TENM4: variants seen among roughly 807,000 people sequenced by gnomAD.
TENM4 encodes teneurin-4.
Under a neutral mutation model 243.3 loss-of-function variants are expected in TENM4, and 82 were observed. The ratio of observed to expected loss-of-function variants is 0.34; its 90% CI spans 0.28 to 0.40. The LOEUF is 0.40. Among genes scored for constraint, TENM4 ranks in the 10% least tolerant of loss-of-function variants. The pLI is 1.00. For missense variants in TENM4, 3,138 were observed against 3,673.3 expected (o/e 0.85, Z 3.77); for synonymous variants, 1,412 against 1,456.3 (o/e 0.97, Z 0.69).
intron 16 of TENM4, among the ~76,000 whole-genome samples, chr11:78,779,275 T>C (rs1540124): frequency 0.84 from 128,648 of 152,294 alleles, 55,072 homozygotes; most frequent in African/African-American, 0.92. Context: ...TAAGATGCAT[T>C]CCTCCTTTGT....
chr11:79,157,382 T>C (rs1026426400), intron 3 of TENM4, among the ~76,000 whole-genome samples: 6 of 152,172 alleles, frequency 3.9e-5, no homozygotes, highest in African/African-American at 1.4e-4. Context: ...CTCTGACTTC[T>C]TTTCCTTCTC....
chr11:79,076,443 C>T (rs117892454), intron 4 of TENM4: 5,886 of 154,520 alleles, frequency 0.038, 170 homozygotes, highest in Admixed American at 0.058. Context: ...TGGTGGCAGA[C>T]AACAGAAGAG....
At chr11:79,273,015 A>T (rs939089725) in intron 2 of TENM4, among the ~76,000 whole-genome samples, 4 of 152,212 alleles carry the variant, frequency 2.6e-5, no homozygotes, top group African/African-American at 9.6e-5. Flanking sequence ...GCAAAGAGAA[A>T]CCAGCCTCTC....
intron 4 of TENM4, among the ~76,000 whole-genome samples, chr11:79,079,831 CAAAAA>C (rs34296723): frequency 1.7e-5 from 2 of 114,644 alleles, no homozygotes; most frequent in Non-Finnish European, 3.6e-5. Flanking sequence ...CACTTTGTTT[CAAAAA>C]AAAAAAAAAA....
At chr11:79,336,163 TC>T (rs981053235) in intron 1 of TENM4, among the ~76,000 whole-genome samples, 5 of 151,212 alleles carry the variant, frequency 3.3e-5, no homozygotes, top group Non-Finnish European at 7.4e-5. Flanking sequence ...TTGAATATTT[TC>T]CCCCCTCCAA....
chr11:78,728,807 C>T (rs934069359), intron 22 of TENM4, among the ~76,000 whole-genome samples: 2 of 152,126 alleles, frequency 1.3e-5, no homozygotes, highest in Admixed American at 1.3e-4. Flanking sequence ...AGCAGAAATG[C>T]ATACAGCCAG....
At chr11:78,780,107 A>T (rs1856812530) in intron 16 of TENM4, among the ~76,000 whole-genome samples, 2 of 152,204 alleles carry the variant, frequency 1.3e-5, no homozygotes, top group Admixed American at 6.5e-5. Context: ...GAGATGCAGG[A>T]TACAAGATAG....
intron 18 of TENM4, among the ~76,000 whole-genome samples, chr11:78,770,315 T>C (rs1591010751): frequency 6.6e-6 from 1 of 152,190 alleles, no homozygotes; most frequent in Non-Finnish European, 1.5e-5. Flanking sequence ...CTGCCTCATT[T>C]TATAAATAGG....
At chr11:79,128,108 A>G (rs753800179) in intron 4 of TENM4, among the ~76,000 whole-genome samples, 17 of 152,232 alleles carry the variant, frequency 1.1e-4, no homozygotes, top group Non-Finnish European at 2.1e-4. Context: ...AGCAGATCCA[A>G]TGGTGCTTGA....
In TENM4 at chr11:79,001,477, A is replaced by ACC. The variant is rs61460550; in HGVS notation, c.493+63259_493+63260dup. Among the ~76,000 whole-genome samples, 130 of 151,180 alleles carry ACC rather than the reference A, an allele frequency of 8.6e-4. 2 individuals are homozygous for ACC. The South Asian group carries it at 0.012, about 14-fold the overall frequency. ...ACTTCCAGAATCCTGGCAGCAGGAG[A>ACC]CCCCCCCCAAATCCCATGAACACTT... is the stretch of plus-strand genomic sequence containing the variant. On this transcript the variant is annotated intron_variant, in intron 6 of 33. Transcript: ENST00000278550.
At chr11:78,988,140 C>T (rs574371771) in intron 6 of TENM4, among the ~76,000 whole-genome samples, 1 of 152,288 alleles carries the variant, frequency 6.6e-6, no homozygotes, top group Non-Finnish European at 1.5e-5. Context: ...GTGGTTTACT[C>T]CCTAGGTTTG....
intron 12 of TENM4, among the ~76,000 whole-genome samples, chr11:78,834,847 A>G (rs1332760202): frequency 6.6e-6 from 1 of 152,116 alleles, no homozygotes; most frequent in Non-Finnish European, 1.5e-5. Context: ...TCCACGTCAC[A>G]TAGACTCTGA....
chr11:79,002,974 C>T (rs1171846010), intron 6 of TENM4, among the ~76,000 whole-genome samples: 1 of 152,026 alleles, frequency 6.6e-6, no homozygotes, highest in African/African-American at 2.4e-5. Flanking sequence ...TAGAGCTGAT[C>T]TGATACAGCT....
intron 2 of TENM4, among the ~76,000 whole-genome samples, chr11:79,221,493 C>A (rs575763698): frequency 6.6e-6 from 1 of 152,050 alleles, no homozygotes; most frequent in East Asian, 1.9e-4. Context: ...CACAAACTCA[C>A]CGAGAAACTT....
At chr11:78,994,045 CT>C (rs1354608649) in intron 6 of TENM4, among the ~76,000 whole-genome samples, 1 of 152,164 alleles carries the variant, frequency 6.6e-6, no homozygotes, top group African/African-American at 2.4e-5. Flanking sequence ...CATTTCAAGG[CT>C]TATTTTAATC....
At chr11:79,183,368 A>C (rs1011164718) in intron 3 of TENM4, among the ~76,000 whole-genome samples, 1 of 152,232 alleles carries the variant, frequency 6.6e-6, no homozygotes, top group Non-Finnish European at 1.5e-5. Context: ...GGAGACAGTG[A>C]AAAGATCAGT....
chr11:79,293,554 A>T (rs75277764), intron 2 of TENM4, among the ~76,000 whole-genome samples: 5,260 of 151,996 alleles, frequency 0.035, 322 homozygotes, highest in East Asian at 0.28. Flanking sequence ...GTTAGGGAAA[A>T]ATTGTATGTA....
intron 12 of TENM4, among the ~76,000 whole-genome samples, chr11:78,825,164 C>CTTTA (rs1857824290): frequency 6.6e-6 from 1 of 152,170 alleles, no homozygotes; most frequent in South Asian, 2.1e-4. Context: ...AGGCTTTAGC[C>CTTTA]TTTAGAGTCA....
At chr11:78,785,554 A>G (rs1470993452) in intron 16 of TENM4, among the ~76,000 whole-genome samples, 1 of 152,200 alleles carries the variant, frequency 6.6e-6, no homozygotes. Flanking sequence ...AGGTCCTTGA[A>G]AATGAGGAAA....
Sources: allele counts gnomAD v4.1 joint callset (sites outside exome capture counted in the v4.1 genomes callset), GRCh38; gene constraint gnomAD v4.1.1; transcripts MANE v1.5; gene names NCBI Gene and HGNC (gene_info 2026-07-23, HGNC 2026-07-21).